Variants in CWC27 observed in about 807,000 individuals in gnomAD.
The protein encoded by CWC27 is spliceosome-associated protein CWC27 homolog.
CWC27 carries 47 observed loss-of-function variants against 63.6 expected under a neutral mutation model. The observed-to-expected ratio is 0.74, with a 90% CI of 0.58 to 0.94. The LOEUF is 0.94. Ranked by LOEUF, CWC27 falls within the 40% of genes least tolerant of loss-of-function variation. CWC27 has a pLI of 0.00. For synonymous variants in CWC27, 175 were observed against 179.8 expected (o/e 0.97, Z 0.22); for missense variants, 495 against 554.3 (o/e 0.89, Z 1.07).
At chr5:64,955,966 A>T (rs1472289140) in intron 11 of CWC27, among the ~76,000 whole-genome samples, 1 of 152,088 alleles carries the variant, frequency 6.6e-6, no homozygotes, top group Admixed American at 6.6e-5. Context: ...CAGTCACTAA[A>T]CTACTAAGGA....
At chr5:64,776,116 A>AGAGAGAGAGG (rs1743441952) in intron 2 of CWC27, among the ~76,000 whole-genome samples, 1 of 99,118 alleles carries the variant, frequency 1.0e-5, no homozygotes, top group African/African-American at 3.6e-5. Flanking sequence ...AGAGAGAGAG[A>AGAGAGAGAGG]GAGAGAATGA....
intron 10 of CWC27, among the ~76,000 whole-genome samples, chr5:64,849,410 T>A (rs1283492647): frequency 6.6e-6 from 1 of 152,232 alleles, no homozygotes; most frequent in Non-Finnish European, 1.5e-5. Context: ...GGTTTGGATC[T>A]GTGTCCCTGT....
At chr5:64,908,698 A>T (rs1747716792) in intron 11 of CWC27, among the ~76,000 whole-genome samples, 1 of 152,142 alleles carries the variant, frequency 6.6e-6, no homozygotes, top group Non-Finnish European at 1.5e-5. Flanking sequence ...AGAGACCAGG[A>T]TTGCAACCCC....
At chr5:64,994,345 G>T (rs1031411913) in intron 13 of CWC27, among the ~76,000 whole-genome samples, 8 of 151,914 alleles carry the variant, frequency 5.3e-5, no homozygotes, top group African/African-American at 1.7e-4. Context: ...CTATCAAGAG[G>T]ATATTGCATA....
chr5:64,990,691 CTG>C (rs1749523231), intron 13 of CWC27, among the ~76,000 whole-genome samples: 6 of 152,214 alleles, frequency 3.9e-5, no homozygotes, highest in Non-Finnish European at 7.3e-5. Context: ...TAAACTGCTG[CTG>C]TCATACAACC....
intron 10 of CWC27, among the ~76,000 whole-genome samples, chr5:64,860,422 A>G (rs1228476321): frequency 6.6e-6 from 1 of 152,190 alleles, no homozygotes; most frequent in African/African-American, 2.4e-5. Context: ...GTGTTACCCT[A>G]TGAACTGCCC....
chr5:64,921,234 A>C (rs1400341802), intron 11 of CWC27, among the ~76,000 whole-genome samples: 1 of 152,124 alleles, frequency 6.6e-6, no homozygotes, highest in Non-Finnish European at 1.5e-5. Context: ...TTTCCATGTA[A>C]GTGTATGGTT....
chr5:64,985,547 A>C (rs1749409187), intron 13 of CWC27, among the ~76,000 whole-genome samples: 1 of 151,884 alleles, frequency 6.6e-6, no homozygotes, highest in African/African-American at 2.4e-5. Context: ...GTATTTTTTT[A>C]TTTTGGTTTG....
intron 11 of CWC27, among the ~76,000 whole-genome samples, chr5:64,941,003 T>C (rs965996705): frequency 4.6e-5 from 7 of 151,858 alleles, no homozygotes; most frequent in Non-Finnish European, 1.0e-4. Flanking sequence ...TGTGCCACCA[T>C]GCCTGGCTAA....
At chr5:64,904,493 C>A (rs370264302) in intron 11 of CWC27, among the ~76,000 whole-genome samples, 1 of 152,222 alleles carries the variant, frequency 6.6e-6, no homozygotes, top group South Asian at 2.1e-4. Flanking sequence ...TTACCATATG[C>A]ACCTCTCCAT....
chr5:64,944,747 T>G (rs1235165964), intron 11 of CWC27, among the ~76,000 whole-genome samples: 1 of 152,166 alleles, frequency 6.6e-6, no homozygotes, highest in Admixed American at 6.5e-5. Context: ...ATCTCCCGTG[T>G]AGATTAGTGC....
chr5:64,940,983 A>C (rs1465932389), intron 11 of CWC27, among the ~76,000 whole-genome samples: 1 of 150,914 alleles, frequency 6.6e-6, no homozygotes, highest in Admixed American at 6.6e-5. Flanking sequence ...AGTAGCTGGG[A>C]CTACAGGCAT....
intron 11 of CWC27, among the ~76,000 whole-genome samples, chr5:64,933,081 A>G (rs1421334939): frequency 1.3e-5 from 2 of 152,150 alleles, no homozygotes; most frequent in African/African-American, 4.8e-5. Context: ...TACTGCCTGT[A>G]TTCTATCAGT....
chr5:64,836,861 A>T (rs1745671714), intron 10 of CWC27, among the ~76,000 whole-genome samples: 1 of 152,076 alleles, frequency 6.6e-6, no homozygotes, highest in Admixed American at 6.6e-5. Flanking sequence ...TGTGCCCATC[A>T]TTGAGTGCTC....
At chr5:64,965,367 AC>A (rs923853071) in intron 11 of CWC27, among the ~76,000 whole-genome samples, 3 of 152,230 alleles carry the variant, frequency 2.0e-5, no homozygotes, top group Admixed American at 6.5e-5. Context: ...CCCTTTGGAA[AC>A]CAAAAGCTGC....
chr5:64,790,670 C>G (rs1204467265), intron 7 of CWC27, among the ~76,000 whole-genome samples: 1 of 152,118 alleles, frequency 6.6e-6, no homozygotes, highest in East Asian at 1.9e-4. Flanking sequence ...TTCTACCTCC[C>G]CCTGCCACTG....
At chr5:64,848,756 A>T (rs1480528169) in intron 10 of CWC27, among the ~76,000 whole-genome samples, 1 of 152,232 alleles carries the variant, frequency 6.6e-6, no homozygotes, top group Non-Finnish European at 1.5e-5. Context: ...ATGTCACTAG[A>T]TGCAGGAAAA....
At chr5:64,787,020 G>A (rs370758631) in intron 6 of CWC27, among the ~76,000 whole-genome samples, 5 of 152,162 alleles carry the variant, frequency 3.3e-5, no homozygotes, top group African/African-American at 7.2e-5. Flanking sequence ...GGGAGAGAGC[G>A]AGTGGGAAGG....
chr5:64,866,919 C>T (rs1043502775), intron 10 of CWC27, among the ~76,000 whole-genome samples: 2 of 152,036 alleles, frequency 1.3e-5, no homozygotes, highest in Non-Finnish European at 2.9e-5. Flanking sequence ...TTTGATCACT[C>T]ACTACAAGGT....
Sources: allele counts gnomAD v4.1 joint callset (sites outside exome capture counted in the v4.1 genomes callset), GRCh38; gene constraint gnomAD v4.1.1; transcripts MANE v1.5; gene names NCBI Gene and HGNC (gene_info 2026-07-23, HGNC 2026-07-21).